The following CNOT6L variants were observed in gnomAD, a reference collection of about 807,000 sequenced individuals.
CNOT6L encodes the protein CCR4-NOT transcription complex subunit 6 like.
In CNOT6L, 7 loss-of-function variants were observed where a neutral mutation model predicts 64.0. The ratio of observed to expected loss-of-function variants is 0.11; its 90% CI spans 0.06 to 0.21. The LOEUF (loss-of-function observed/expected upper bound fraction) is 0.21. Ranked by LOEUF, CNOT6L falls within the 10% of genes least tolerant of loss-of-function variation. The pLI is 1.00. For synonymous variants in CNOT6L, 193 were observed against 243.4 expected (o/e 0.79, Z 1.93); for missense variants, 245 against 669.0 (o/e 0.37, Z 6.99).
intron 1 of CNOT6L, among the ~76,000 whole-genome samples, chr4:77,815,076 G>T (rs890529380): frequency 5.3e-5 from 8 of 152,076 alleles, no homozygotes; most frequent in African/African-American, 1.9e-4. Context: ...AGAGAATATG[G>T]TAAGGTCCAC....
chr4:77,749,133 C>T (rs911884611), intron 5 of CNOT6L, among the ~76,000 whole-genome samples: 5 of 152,148 alleles, frequency 3.3e-5, no homozygotes, highest in Admixed American at 2.0e-4. Context: ...CTTTATCTAG[C>T]CACAGAAATT....
chr4:77,768,474 A>AATATATATATATATATATATATAT (rs1193284066), intron 4 of CNOT6L, among the ~76,000 whole-genome samples: 5 of 13,080 alleles, frequency 3.8e-4, no homozygotes, highest in African/African-American at 3.1e-4. Flanking sequence ...AAAATAAATA[A>AATATATATATATATATATATATAT]ATATATATAT....
At chr4:77,735,239 G>A (rs966823216) in intron 8 of CNOT6L, among the ~76,000 whole-genome samples, 2 of 152,148 alleles carry the variant, frequency 1.3e-5, no homozygotes, top group Non-Finnish European at 2.9e-5. Flanking sequence ...TTCTCCGTAT[G>A]TCCAATTCTG....
intron 1 of CNOT6L, among the ~76,000 whole-genome samples, chr4:77,790,884 A>C (rs1338055386): frequency 6.9e-6 from 1 of 145,130 alleles, no homozygotes; most frequent in Non-Finnish European, 1.5e-5. Context: ...GGTCTCGAAC[A>C]CTCCTGACCT....
intron 5 of CNOT6L, among the ~76,000 whole-genome samples, chr4:77,753,206 C>A (rs1225000000): frequency 4.6e-3 from 579 of 126,878 alleles, no homozygotes; most frequent in Non-Finnish European, 7.3e-3. Flanking sequence ...AAAAAAAAAA[C>A]CCAGAAAGAA....
At chr4:77,756,275 G>A (rs966176095) in intron 5 of CNOT6L, among the ~76,000 whole-genome samples, 2 of 152,220 alleles carry the variant, frequency 1.3e-5, no homozygotes, top group African/African-American at 4.8e-5. Flanking sequence ...TTACAAGTGT[G>A]AGCCACCACA....
At position 77,719,626 on chromosome 4, in the gene CNOT6L, T is replaced by G. The variant is rs928260492; in HGVS notation, c.*805A>C. On this transcript the variant is annotated 3_prime_UTR_variant, in exon 12 of 12. Transcript: ENST00000504123. ...TAAGGAAAAATTCATTCCGTGGGCATCCTAAACATACCACATTCTATTTTC... is the reference window on the plus strand; with the variant it reads ...TAAGGAAAAATTCATTCCGTGGGCAGCCTAAACATACCACATTCTATTTTC... 4 of 152,602 alleles carry G rather than the reference T, an allele frequency of 2.6e-5. No individual in the cohort carries two copies. Among genetic ancestry groups the G allele is most frequent in the African/African-American group, 9.7e-5 (4 of 41,438 alleles). The allele number at this position is 152,602 out of a possible 1,614,324, so 9.5% of individuals were successfully genotyped here.
chr4:77,743,379 GC>G (rs1283306941), intron 7 of CNOT6L, among the ~76,000 whole-genome samples: 1 of 151,922 alleles, frequency 6.6e-6, no homozygotes, highest in African/African-American at 2.4e-5. Context: ...AACTACAATA[GC>G]CTGATTTTGT....
At chr4:77,794,150 CAAAA>C (rs10649868) in intron 1 of CNOT6L, among the ~76,000 whole-genome samples, 19 of 52,026 alleles carry the variant, frequency 3.7e-4, no homozygotes, top group African/African-American at 1.8e-3. Context: ...GACTCTGTCT[CAAAA>C]AAAAAAAAAA....
intron 1 of CNOT6L, among the ~76,000 whole-genome samples, chr4:77,783,368 G>C (rs1729109224): frequency 6.6e-6 from 1 of 152,162 alleles, no homozygotes; most frequent in Non-Finnish European, 1.5e-5. Context: ...TACCCGCATG[G>C]AGCATATACT....
intron 5 of CNOT6L, among the ~76,000 whole-genome samples, chr4:77,749,960 C>T (rs185090806): frequency 5.9e-5 from 9 of 151,838 alleles, no homozygotes; most frequent in South Asian, 2.1e-4. Context: ...TTTATATTAA[C>T]GAAAGCAATA....
At chr4:77,792,518 G>T (rs1360785672) in intron 1 of CNOT6L, among the ~76,000 whole-genome samples, 1 of 152,112 alleles carries the variant, frequency 6.6e-6, no homozygotes, top group Non-Finnish European at 1.5e-5. Flanking sequence ...CTGAGGTCAG[G>T]AGTTCAAGAC....
chr4:77,783,309 G>A (rs994683463), intron 1 of CNOT6L, among the ~76,000 whole-genome samples: 1 of 152,118 alleles, frequency 6.6e-6, no homozygotes, highest in African/African-American at 2.4e-5. Context: ...GACATTTACT[G>A]TACCAAGCAC....
intron 1 of CNOT6L, among the ~76,000 whole-genome samples, chr4:77,814,190 G>T (rs747858072): frequency 6.6e-6 from 1 of 152,152 alleles, no homozygotes; most frequent in Non-Finnish European, 1.5e-5. Flanking sequence ...ATAGAGAAAG[G>T]AAGTAGTAAT....
intron 8 of CNOT6L, among the ~76,000 whole-genome samples, chr4:77,737,550 A>G (rs965442872): frequency 2.0e-5 from 3 of 150,842 alleles, no homozygotes; most frequent in Non-Finnish European, 4.4e-5. Context: ...CCTCCCGAGT[A>G]GCTGGGATTA....
chr4:77,800,184 C>T (rs1731357486), intron 1 of CNOT6L, among the ~76,000 whole-genome samples: 1 of 151,936 alleles, frequency 6.6e-6, no homozygotes, highest in Non-Finnish European at 1.5e-5. Flanking sequence ...TTTTCTATTT[C>T]TTCAGGAAAA....
At chr4:77,806,579 T>C (rs1732246496) in intron 1 of CNOT6L, among the ~76,000 whole-genome samples, 1 of 152,236 alleles carries the variant, frequency 6.6e-6, no homozygotes, top group African/African-American at 2.4e-5. Flanking sequence ...AGGTAATGAA[T>C]GTTCTATAAA....
At chr4:77,776,637 T>C (rs1277217423) in intron 1 of CNOT6L, among the ~76,000 whole-genome samples, 1 of 152,200 alleles carries the variant, frequency 6.6e-6, no homozygotes, top group Admixed American at 6.5e-5. Flanking sequence ...GACTTTGCAA[T>C]GAACATTATG....
At chr4:77,778,583 T>G (rs545606253) in intron 1 of CNOT6L, among the ~76,000 whole-genome samples, 1 of 152,032 alleles carries the variant, frequency 6.6e-6, no homozygotes, top group South Asian at 2.1e-4. Flanking sequence ...TGTTTGTATT[T>G]TTAGTAGAGA....
Sources: allele counts gnomAD v4.1 joint callset (sites outside exome capture counted in the v4.1 genomes callset), GRCh38; gene constraint gnomAD v4.1.1; transcripts MANE v1.5; gene names NCBI Gene and HGNC (gene_info 2026-07-23, HGNC 2026-07-21).